RPS6KB1: variants seen among roughly 807,000 people sequenced by gnomAD.
The protein encoded by RPS6KB1 is ribosomal protein S6 kinase B1, also known as ribosomal protein S6 kinase beta-1.
In RPS6KB1, 12 loss-of-function variants were observed where a neutral mutation model predicts 70.2. The ratio of observed to expected loss-of-function variants is 0.17; its 90% CI spans 0.11 to 0.28. The LOEUF (loss-of-function observed/expected upper bound fraction) is 0.28. Ranked by LOEUF, RPS6KB1 falls within the 10% of genes least tolerant of loss-of-function variation. RPS6KB1 has a pLI of 1.00. For synonymous variants in RPS6KB1, 175 were observed against 211.2 expected, an observed-to-expected ratio of 0.83 and a Z score of 1.49; for missense variants, 270 against 646.6, an observed-to-expected ratio of 0.42 and a Z score of 6.32.
chr17:59,946,215 G>A lies in RPS6KB1; in HGVS notation c.1341-336G>A, dbSNP rs1228009741. The stretch of plus-strand genomic sequence containing the variant: ...TGTGTGGTGAGTGAGGAGAAGGGCA[G>A]AGGTTTGGAAAAGTATTTTATTTTA... On this transcript the variant is annotated intron_variant, in intron 14 of 14. Transcript: ENST00000225577. This position sits in a 1 kb window ranked among gnomAD's most constrained non-coding sequence, Gnocchi z 4.2. Among the ~76,000 whole-genome samples, 2 of 152,186 alleles carry A rather than the reference G, an allele frequency of 1.3e-5. No individual in the cohort carries two copies. Among genetic ancestry groups the A allele is most frequent in the Non-Finnish European group, 2.9e-5 (2 of 68,046 alleles).
At chr17:59,927,466 A>G (rs1028224301) in intron 5 of RPS6KB1, among the ~76,000 whole-genome samples, 1 of 152,166 alleles carries the variant, frequency 6.6e-6, no homozygotes, top group Non-Finnish European at 1.5e-5. Context: ...AGAAAGCTAC[A>G]GAATGTAGCA....
intron 1 of RPS6KB1, among the ~76,000 whole-genome samples, chr17:59,902,764 A>G (rs2042033182): frequency 6.6e-6 from 1 of 151,882 alleles, no homozygotes; most frequent in African/African-American, 2.4e-5. Context: ...TGTTGCAGAG[A>G]TGGGGGTCTC....
chr17:59,911,169 G>A (rs2042610193), intron 2 of RPS6KB1, among the ~76,000 whole-genome samples: 1 of 152,118 alleles, frequency 6.6e-6, no homozygotes, highest in African/African-American at 2.4e-5. Context: ...CGTCTCAACA[G>A]CAACAACAAA....
intron 1 of RPS6KB1, among the ~76,000 whole-genome samples, chr17:59,906,383 G>A (rs1343286204): frequency 2.0e-5 from 3 of 151,706 alleles, no homozygotes; most frequent in East Asian, 1.9e-4. Context: ...CTTCCCTTTC[G>A]ACAGAGTCTA....
chr17:59,938,531 G>A (rs569834026), intron 12 of RPS6KB1, among the ~76,000 whole-genome samples: 7 of 151,964 alleles, frequency 4.6e-5, no homozygotes, highest in African/African-American at 1.7e-4. Context: ...CATTTGTCCT[G>A]TAGAATTCTC....
chr17:59,914,538 A>G, intron 3 of RPS6KB1, 97 bp from the exon 4 acceptor site: 1 of 871,210 alleles, frequency 1.1e-6, no homozygotes, highest in Non-Finnish European at 1.9e-6. Flanking sequence ...TTTTTATAAT[A>G]TAAACTGCTG....
intron 2 of RPS6KB1, chr17:59,912,314 G>A (rs2042692735): frequency 4.3e-6 from 1 of 231,766 alleles, no homozygotes. Context: ...CAATATGTGC[G>A]CCAGTGTTTC....
At chr17:59,928,506 C>T (rs563904797) in intron 5 of RPS6KB1, among the ~76,000 whole-genome samples, 100 of 152,004 alleles carry the variant, frequency 6.6e-4, no homozygotes, top group African/African-American at 2.2e-3. Flanking sequence ...CCCACCACCA[C>T]GCCCAGCTAA....
chr17:59,922,857 T>TA, intron 4 of RPS6KB1, among the ~76,000 whole-genome samples: 1 of 148,134 alleles, frequency 6.8e-6, no homozygotes, highest in South Asian at 2.1e-4. Context: ...TACTCTCTTT[T>TA]AAAAAAATTT....
chr17:59,897,453 C>T (rs766323844), intron 1 of RPS6KB1, among the ~76,000 whole-genome samples: 2 of 152,002 alleles, frequency 1.3e-5, no homozygotes, highest in African/African-American at 4.8e-5. Flanking sequence ...CAGTTAAACT[C>T]GAGGTGCTGT....
intron 4 of RPS6KB1, among the ~76,000 whole-genome samples, chr17:59,915,948 G>T (rs559086127): frequency 6.6e-6 from 1 of 151,340 alleles, no homozygotes; most frequent in Non-Finnish European, 1.5e-5. Flanking sequence ...ACCACGCCCG[G>T]CTAATTTTGT....
At chr17:59,901,006 A>G (rs547335366) in intron 1 of RPS6KB1, among the ~76,000 whole-genome samples, 8 of 151,782 alleles carry the variant, frequency 5.3e-5, no homozygotes, top group African/African-American at 1.9e-4. Flanking sequence ...TACTAATAAT[A>G]CAAAAATACC....
intron 5 of RPS6KB1, among the ~76,000 whole-genome samples, chr17:59,929,013 T>G (rs913397000): frequency 6.6e-6 from 1 of 152,222 alleles, no homozygotes; most frequent in African/African-American, 2.4e-5. Context: ...ATGTATAAGG[T>G]GGTGTCTGCT....
chr17:59,903,402 G>A (rs1333672017), intron 1 of RPS6KB1, among the ~76,000 whole-genome samples: 2 of 152,056 alleles, frequency 1.3e-5, no homozygotes, highest in Non-Finnish European at 2.9e-5. Flanking sequence ...CTGAGTCCAG[G>A]AGGTTGAGGC....
intron 1 of RPS6KB1, among the ~76,000 whole-genome samples, chr17:59,895,187 A>AT (rs971617567): frequency 5.7e-5 from 8 of 140,334 alleles, no homozygotes; most frequent in Non-Finnish European, 7.7e-5. Flanking sequence ...CACCTGGCTA[A>AT]TTTTTTGTAT....
At chr17:59,932,891 A>G (rs2044010666) in intron 7 of RPS6KB1, among the ~76,000 whole-genome samples, 1 of 152,174 alleles carries the variant, frequency 6.6e-6, no homozygotes, top group Non-Finnish European at 1.5e-5. Flanking sequence ...TTGTAACAAC[A>G]AACATAAACA....
Position 59,949,863 on chromosome 17 carries a change from T to G in RPS6KB1, c.*3075T>G, listed in dbSNP as rs1241377090. The G allele has an allele frequency of 1.3e-5, 2 of 152,512 alleles. No homozygotes were observed. Among genetic ancestry groups the G allele is most frequent in the Admixed American group, 6.5e-5 (1 of 15,268 alleles). 9.4% of individuals were successfully genotyped at this position (152,512 alleles called of 1,614,324 possible). A position where few individuals can be genotyped will look rare whatever the true frequency, so the allele number is the denominator to read the frequency against. On this transcript the variant is annotated 3_prime_UTR_variant, in exon 15 of 15. Coordinates refer to ENST00000225577, the MANE Select transcript of RPS6KB1 (RefSeq NM_003161.4). ...TAGTATTAATATACTGAGCCTTGGA[T>G]TATATATTTAATATAGGACCTATTT...
At chr17:59,904,721 G>T (rs2042163865) in intron 1 of RPS6KB1, among the ~76,000 whole-genome samples, 1 of 145,664 alleles carries the variant, frequency 6.9e-6, no homozygotes, top group Non-Finnish European at 1.5e-5. Context: ...TTTTGAGGTG[G>T]AGTCTCGCTC....
chr17:59,913,285 C>T (rs953197184), intron 3 of RPS6KB1, among the ~76,000 whole-genome samples: 4 of 152,196 alleles, frequency 2.6e-5, no homozygotes, highest in African/African-American at 9.6e-5. Flanking sequence ...CAAGGCTTTA[C>T]AACTTAAGAC....
Sources: allele counts gnomAD v4.1 joint callset (sites outside exome capture counted in the v4.1 genomes callset), GRCh38; gene constraint gnomAD v4.1.1; non-coding constraint Gnocchi (gnomAD v3.1); transcripts MANE v1.5; gene names NCBI Gene and HGNC (gene_info 2026-07-23, HGNC 2026-07-21).